ATP9B: variants seen among roughly 807,000 people sequenced by gnomAD.
ATP9B encodes the protein ATPase phospholipid transporting 9B, also known as probable phospholipid-transporting ATPase IIB.
ATP9B carries 110 observed loss-of-function variants against 146.1 expected under a neutral mutation model. The observed-to-expected ratio is 0.75, with a 90% CI of 0.65 to 0.88. The LOEUF (loss-of-function observed/expected upper bound fraction) is 0.88, where lower values mean the gene tolerates loss of function less well. ATP9B is among the 40% of genes least tolerant of loss of function. The probability of loss-of-function intolerance (pLI) is 0.00; values close to 1 mark genes in which losing one functional copy is unlikely to be tolerated. For synonymous variants in ATP9B, 604 were observed against 569.7 expected, an observed-to-expected ratio of 1.06 and a Z score of -0.86; for missense variants, 1,499 against 1,496.4, an observed-to-expected ratio of 1.00 and a Z score of -0.03.
intron 5 of ATP9B, among the ~76,000 whole-genome samples, chr18:79,127,495 T>G (rs1759868072): frequency 6.6e-6 from 1 of 152,196 alleles, no homozygotes; most frequent in African/African-American, 2.4e-5. Flanking sequence ...CTGCTTTCAC[T>G]GGACATGTTT....
rs1452019207 is a variant in ATP9B, at chr18:79,340,723, A to T, written c.2284-1545A>T. ...TTTACTCTATCGTCTAGGAATATAT[A>T]TACACATAAGATGTGCATGGGTATG... On this transcript the variant is annotated intron_variant, in intron 19 of 29. Transcript: ENST00000426216. Among the ~76,000 whole-genome samples the T allele has an allele frequency of 2.0e-5, 3 of 152,256 alleles. No individual in the cohort carries two copies. The East Asian group carries it at 5.8e-4, about 29-fold the overall frequency.
At chr18:79,200,073 G>A (rs140916858) in intron 9 of ATP9B, among the ~76,000 whole-genome samples, 1 of 152,176 alleles carries the variant, frequency 6.6e-6, no homozygotes, top group African/African-American at 2.4e-5. Flanking sequence ...TTAATATTAT[G>A]TACTGTACAT....
At chr18:79,334,613 C>G (rs896072885) in intron 17 of ATP9B, among the ~76,000 whole-genome samples, 1 of 151,400 alleles carries the variant, frequency 6.6e-6, no homozygotes, top group African/African-American at 2.4e-5. Flanking sequence ...AGCCCCGACA[C>G]CCCCTGGGGC....
intron 26 of ATP9B, among the ~76,000 whole-genome samples, chr18:79,371,897 C>T (rs2097073148): frequency 6.6e-6 from 1 of 152,252 alleles, no homozygotes; most frequent in Admixed American, 6.5e-5. Flanking sequence ...CACTTCTTAG[C>T]ACCACCAGCC....
intron 2 of ATP9B, among the ~76,000 whole-genome samples, chr18:79,100,457 C>A (rs1263286659): frequency 6.6e-6 from 1 of 152,050 alleles, no homozygotes; most frequent in Non-Finnish European, 1.5e-5. Flanking sequence ...TTCAGTTGAC[C>A]TTTTATTGTC....
chr18:79,251,911 C>G (rs1373167848), intron 11 of ATP9B, among the ~76,000 whole-genome samples: 2 of 152,180 alleles, frequency 1.3e-5, no homozygotes, highest in Non-Finnish European at 2.9e-5. Context: ...AGATAGATAA[C>G]TAACCTGATA....
At position 79,348,171 on chromosome 18, in the gene ATP9B, T is replaced by G. The variant is rs1260266788; in HGVS notation, c.2878T>G (p.Leu960Val). The change falls in exon 25 of 30, where the codon TTG becomes GTG. Residue 960 changes from leucine (L) to valine (V), a missense_variant. Leu to Val is a conservative substitution (Grantham distance 32, BLOSUM62 1). Coordinates refer to ENST00000426216, the MANE Select transcript of ATP9B (RefSeq NM_198531.5). ...AGTCTTCTACTTCGCATCCGTCCCT[T>G]TGTATCAGGGCTTCCTCATGGTGGG... is the stretch of plus-strand genomic sequence containing the variant. The part of the protein sequence containing the change: ...SSVFYFASVP[L>V]YQGFLMVGYA... The G allele has an allele frequency of 6.2e-7, 1 of 1,612,982 alleles. No homozygotes were observed. The highest frequency in any genetic ancestry group is 1.7e-5 in the Admixed American group (1 of 59,894).
chr18:79,305,153 C>T (rs2096613765), intron 14 of ATP9B, among the ~76,000 whole-genome samples: 3 of 152,206 alleles, frequency 2.0e-5, no homozygotes, highest in African/African-American at 7.2e-5. Flanking sequence ...GTCTAGGAGA[C>T]TTTTTGTATT....
intron 4 of ATP9B, 53 bp downstream of exon 4, chr18:79,113,407 T>C: frequency 8.8e-7 from 1 of 1,141,372 alleles, no homozygotes; most frequent in South Asian, 1.4e-5. Flanking sequence ...TAGAATATAG[T>C]TTTAAGAGTT....
At chr18:79,072,188 GTTTCTCGGAGAGGGGGA>G (rs1568354939) in intron 1 of ATP9B, among the ~76,000 whole-genome samples, 1 of 150,690 alleles carries the variant, frequency 6.6e-6, no homozygotes. Context: ...ATTCTTGGGT[GTTTCTCGGAGAGGGGGA>G]TTTGGCAGGG....
chr18:79,187,980 C>G (rs2095324657), intron 8 of ATP9B, among the ~76,000 whole-genome samples: 1 of 152,052 alleles, frequency 6.6e-6, no homozygotes, highest in South Asian at 2.1e-4. Context: ...TCTCCAGTCC[C>G]TTTAAGAAGA....
intron 11 of ATP9B, among the ~76,000 whole-genome samples, chr18:79,228,614 G>A (rs1021917144): frequency 6.6e-6 from 1 of 152,126 alleles, no homozygotes; most frequent in Non-Finnish European, 1.5e-5. Flanking sequence ...CCTATATTTT[G>A]CACGTAGTAA....
intron 1 of ATP9B, among the ~76,000 whole-genome samples, chr18:79,081,099 G>A (rs971922635): frequency 1.3e-5 from 2 of 152,116 alleles, no homozygotes; most frequent in African/African-American, 4.8e-5. Context: ...TTGTGTCTCT[G>A]CCAGGTTTTG....
Position 79,239,576 on chromosome 18 carries a change from C to T in ATP9B, c.1108-13805C>T, listed in dbSNP as rs1204379063. Among the ~76,000 whole-genome samples, 4 of 152,098 alleles carry T rather than the reference C, an allele frequency of 2.6e-5. No individual in the cohort carries two copies. Among genetic ancestry groups the T allele is most frequent in the African/African-American group, 9.7e-5 (4 of 41,422 alleles). On this transcript the variant is annotated intron_variant, in intron 11 of 29. Coordinates refer to ENST00000426216, the MANE Select transcript of ATP9B (RefSeq NM_198531.5). This position sits in a 1 kb window ranked among gnomAD's most constrained non-coding sequence, Gnocchi z 5.1. The stretch of plus-strand genomic sequence containing the variant: ...CCTGGAGTCATTGTGCCGCCATTGT[C>T]TAGCATTGTGCCATGCTGCTTGTAA...
chr18:79,180,343 T>G (rs1005722328), intron 8 of ATP9B, among the ~76,000 whole-genome samples: 6 of 152,224 alleles, frequency 3.9e-5, no homozygotes, highest in Non-Finnish European at 7.3e-5. Context: ...TATTTCCATT[T>G]GGCTAATTAG....
intron 17 of ATP9B, among the ~76,000 whole-genome samples, chr18:79,335,788 C>T (rs545117219): frequency 2.6e-5 from 4 of 152,328 alleles, no homozygotes; most frequent in Non-Finnish European, 4.4e-5. Context: ...CGCAGATTCA[C>T]GGAGTTAGTC....
chr18:79,131,378 A>G (rs970811817), intron 5 of ATP9B, among the ~76,000 whole-genome samples: 3 of 152,248 alleles, frequency 2.0e-5, no homozygotes, highest in Admixed American at 1.3e-4. Flanking sequence ...AGGCAATTCT[A>G]ATTCTCCGAA....
At chr18:79,086,607 C>A (rs2073861326) in intron 1 of ATP9B, among the ~76,000 whole-genome samples, 1 of 151,530 alleles carries the variant, frequency 6.6e-6, no homozygotes, top group Non-Finnish European at 1.5e-5. Context: ...GTATCCTGAG[C>A]TAATTGGCTA....
chr18:79,198,568 C>T (rs1301456697), intron 9 of ATP9B, among the ~76,000 whole-genome samples: 1 of 142,366 alleles, frequency 7.0e-6, no homozygotes, highest in South Asian at 2.1e-4. Flanking sequence ...AAACCTAGAT[C>T]GTGTAGCCTA....
Sources: gnomAD v4.1 joint callset for allele counts (sites outside exome capture counted in the v4.1 genomes callset) on GRCh38, gnomAD v4.1.1 for gene constraint, Gnocchi (gnomAD v3.1) non-coding constraint, MANE v1.5 for transcripts, NCBI Gene and HGNC (gene_info 2026-07-23, HGNC 2026-07-21) for gene names.